Variants in GPM6A observed in about 807,000 individuals in gnomAD.
GPM6A encodes neuronal membrane glycoprotein M6-a.
In GPM6A, 7 loss-of-function variants were observed where a neutral mutation model predicts 32.1. That is an observed-to-expected ratio of 0.22 (90% CI 0.12 to 0.41). GPM6A has a LOEUF of 0.41. Among genes scored for constraint, GPM6A ranks in the 10% least tolerant of loss-of-function variants. The probability of loss-of-function intolerance (pLI) is 1.00; values close to 1 mark genes in which losing one functional copy is unlikely to be tolerated. For synonymous variants in GPM6A, 130 were observed against 123.4 expected (o/e 1.05, Z -0.35); for missense variants, 235 against 347.2 (o/e 0.68, Z 2.57).
intron 1 of GPM6A, among the ~76,000 whole-genome samples, chr4:175,850,961 C>T (rs1736235056): frequency 6.6e-6 from 1 of 151,872 alleles, no homozygotes; most frequent in Non-Finnish European, 1.5e-5. Context: ...TGCATGTGTT[C>T]TTCCTACTTT....
At chr4:175,711,423 T>C (rs1441929438) in intron 1 of GPM6A, among the ~76,000 whole-genome samples, 2 of 38,930 alleles carry the variant, frequency 5.1e-5, no homozygotes, top group African/African-American at 1.4e-4. Context: ...TATATATATA[T>C]ATATATATAT....
At chr4:175,795,491 T>G (rs1413402384) in intron 1 of GPM6A, among the ~76,000 whole-genome samples, 1 of 152,182 alleles carries the variant, frequency 6.6e-6, no homozygotes. Flanking sequence ...GGTTCATGCC[T>G]ATAATCTCAA....
rs116505606 is a variant in GPM6A at position 175,908,685 on chromosome 4, A to T, written c.-23+93624T>A. On this transcript the variant is annotated intron_variant, in intron 1 of 7. Transcript: ENST00000280187. Reference sequence around the variant, plus strand: ...TATTCCTACAAGGATAAAGAAGAAGATCTCAACAAAGGAAGGATATTTCAA... The same window carrying T: ...TATTCCTACAAGGATAAAGAAGAAGTTCTCAACAAAGGAAGGATATTTCAA... Among the ~76,000 whole-genome samples, 1,276 of 152,240 alleles carry T rather than the reference A, an allele frequency of 8.4e-3. 15 individuals are homozygous for T. Among genetic ancestry groups the T allele is most frequent in the African/African-American group, 0.029 (1,211 of 41,554 alleles).
In GPM6A at chr4:175,688,229, T is replaced by G. The variant is rs556743746; in HGVS notation, c.230+13346A>C. Among the ~76,000 whole-genome samples, 13 of 152,320 alleles carry G rather than the reference T, an allele frequency of 8.5e-5. No individual in the cohort carries two copies. In the East Asian group the frequency reaches 2.5e-3, roughly 29 times the overall value. Reference sequence around the variant, plus strand: ...AGTCACACTTGTCTATTATTTTTGCTTTTGTGACCTATGACTTTTGTGTCA... The same window carrying G: ...AGTCACACTTGTCTATTATTTTTGCGTTTGTGACCTATGACTTTTGTGTCA... On this transcript the variant is annotated intron_variant, in intron 2 of 6. Coordinates refer to ENST00000393658, the MANE Select transcript of GPM6A (RefSeq NM_201591.3).
intron 1 of GPM6A, among the ~76,000 whole-genome samples, chr4:175,920,554 T>C (rs546552599): frequency 1.1e-4 from 17 of 152,296 alleles, no homozygotes; most frequent in Admixed American, 9.8e-4. Context: ...CTACTGTTCA[T>C]AAGAATTATA....
At chr4:175,723,371 C>T (rs1746242148) in intron 1 of GPM6A, among the ~76,000 whole-genome samples, 2 of 152,136 alleles carry the variant, frequency 1.3e-5, no homozygotes, top group African/African-American at 2.4e-5. Context: ...AGGGTTTTCT[C>T]CCTATTTTCT....
At chr4:175,664,719 T>C (rs1207874855) in intron 3 of GPM6A, among the ~76,000 whole-genome samples, 1 of 152,202 alleles carries the variant, frequency 6.6e-6, no homozygotes, top group Non-Finnish European at 1.5e-5. Context: ...GGGTTACTTG[T>C]AGAAGTTCGT....
chr4:175,842,170 C>T (rs746745178), intron 1 of GPM6A, among the ~76,000 whole-genome samples: 6 of 151,912 alleles, frequency 3.9e-5, no homozygotes, highest in Non-Finnish European at 7.4e-5. Flanking sequence ...TTTTTTTGTA[C>T]AGAATTCCTT....
chr4:175,907,742 T>C (rs1405591302), intron 1 of GPM6A, among the ~76,000 whole-genome samples: 1 of 152,146 alleles, frequency 6.6e-6, no homozygotes, highest in East Asian at 1.9e-4. Context: ...TTATTACTAT[T>C]AGATCACACT....
intron 1 of GPM6A, among the ~76,000 whole-genome samples, chr4:175,862,602 A>C (rs995638150): frequency 1.3e-5 from 2 of 152,308 alleles, no homozygotes; most frequent in African/African-American, 4.8e-5. Context: ...TTCTTGTACA[A>C]GTACTTTCGT....
chr4:175,774,965 CA>C (rs1234697426), intron 1 of GPM6A, among the ~76,000 whole-genome samples: 6 of 151,958 alleles, frequency 3.9e-5, no homozygotes, highest in Non-Finnish European at 7.4e-5. Context: ...CAGACGATCC[CA>C]AAATTTTGAC....
At chr4:175,712,255 A>G (rs1001709323) in intron 1 of GPM6A, among the ~76,000 whole-genome samples, 1 of 152,188 alleles carries the variant, frequency 6.6e-6, no homozygotes. Flanking sequence ...GCACTCACTG[A>G]GTTTGCTTCT....
intron 1 of GPM6A, among the ~76,000 whole-genome samples, chr4:175,820,492 TTTTC>T (rs1270759845): frequency 8.4e-6 from 1 of 119,068 alleles, no homozygotes; most frequent in African/African-American, 3.0e-5. Flanking sequence ...TTCTTTTTTC[TTTTC>T]TTTCTTTTTT....
At chr4:175,650,294 ATTTATTTATTTATTTATTT>A (rs1381714781) in intron 4 of GPM6A, among the ~76,000 whole-genome samples, 13 of 67,874 alleles carry the variant, frequency 1.9e-4, no homozygotes, top group African/African-American at 4.9e-4. Flanking sequence ...TTATTTATTT[ATTTATTTATTTATTTATTT>A]ATTTATTTTG....
intron 1 of GPM6A, among the ~76,000 whole-genome samples, chr4:175,779,930 T>A (rs1159505590): frequency 6.6e-6 from 1 of 152,206 alleles, no homozygotes; most frequent in Admixed American, 6.5e-5. Flanking sequence ...ATGTATTCAT[T>A]TTGAAAAGGG....
chr4:175,861,728 T>TGA (rs994027824), intron 1 of GPM6A, among the ~76,000 whole-genome samples: 1 of 127,792 alleles, frequency 7.8e-6, no homozygotes, highest in Non-Finnish European at 1.6e-5. Flanking sequence ...CCAGGCTGGG[T>TGA]GAGAGAGAGA....
At chr4:175,698,446 T>C (rs1208935735) in intron 2 of GPM6A, among the ~76,000 whole-genome samples, 7 of 152,160 alleles carry the variant, frequency 4.6e-5, no homozygotes, top group Admixed American at 4.6e-4. Flanking sequence ...TCCTCTGCCT[T>C]CTGTTTGCTT....
chr4:175,868,495 C>A (rs1006993336), intron 1 of GPM6A, among the ~76,000 whole-genome samples: 5 of 152,202 alleles, frequency 3.3e-5, no homozygotes, highest in African/African-American at 1.2e-4. Flanking sequence ...GCTTTACCTG[C>A]ATCCGACACA....
chr4:175,776,505 G>A (rs1352262769), intron 1 of GPM6A, among the ~76,000 whole-genome samples: 2 of 152,118 alleles, frequency 1.3e-5, no homozygotes, highest in Non-Finnish European at 2.9e-5. Context: ...GTGTGCAAGG[G>A]ATCTCTGAGC....
Sources: allele counts gnomAD v4.1 joint callset (sites outside exome capture counted in the v4.1 genomes callset), GRCh38; gene constraint gnomAD v4.1.1; transcripts MANE v1.5; gene names NCBI Gene and HGNC (gene_info 2026-07-23, HGNC 2026-07-21).